The following SLC4A4 variants were observed in gnomAD, a reference collection of about 807,000 sequenced individuals.
SLC4A4 encodes the protein electrogenic sodium bicarbonate cotransporter 1.
SLC4A4 carries 27 observed loss-of-function variants against 111.5 expected under a neutral mutation model. The ratio of observed to expected loss-of-function variants is 0.24; its 90% CI spans 0.18 to 0.33. The LOEUF (loss-of-function observed/expected upper bound fraction) is 0.33. Among genes scored for constraint, SLC4A4 ranks in the 10% least tolerant of loss-of-function variants. The pLI is 1.00. For missense variants in SLC4A4, 909 were observed against 1,315.5 expected, an observed-to-expected ratio of 0.69 and a Z score of 4.78; for synonymous variants, 443 against 463.4, an observed-to-expected ratio of 0.96 and a Z score of 0.57.
intron 3 of SLC4A4, among the ~76,000 whole-genome samples, chr4:71,323,525 C>T (rs1727276277): frequency 6.6e-6 from 1 of 151,992 alleles, no homozygotes; most frequent in Non-Finnish European, 1.5e-5. Context: ...TATTTAGATA[C>T]TTAAGGCACT....
intron 7 of SLC4A4, among the ~76,000 whole-genome samples, chr4:71,408,598 AG>A (rs1721085414): frequency 6.6e-6 from 1 of 152,218 alleles, no homozygotes; most frequent in African/African-American, 2.4e-5. Context: ...CACACTGTAA[AG>A]AAATGTATGT....
intron 4 of SLC4A4, among the ~76,000 whole-genome samples, chr4:71,345,745 C>G (rs1030873927): frequency 6.6e-6 from 1 of 152,102 alleles, no homozygotes; most frequent in African/African-American, 2.4e-5. Flanking sequence ...CTTTTCTCTA[C>G]TGAATTACTT....
At chr4:71,206,170 G>T (rs1578593454) in intron 1 of SLC4A4, among the ~76,000 whole-genome samples, 1 of 152,052 alleles carries the variant, frequency 6.6e-6, no homozygotes, top group East Asian at 1.9e-4. Context: ...GTGAAATTTT[G>T]CAAATAAGAT....
intron 6 of SLC4A4, among the ~76,000 whole-genome samples, chr4:71,375,657 A>G (rs1732281917): frequency 6.6e-6 from 1 of 152,072 alleles, no homozygotes; most frequent in South Asian, 2.1e-4. Context: ...CTAGCTATCA[A>G]TTTCTTAAGG....
rs151001123 is a variant in SLC4A4, at chr4:71,238,935, C to A, written c.73+2286C>A. Among the ~76,000 whole-genome samples the A allele has an allele frequency of 1.2e-4, 18 of 152,118 alleles. No homozygotes were observed. The East Asian group carries it at 2.7e-3, about 23-fold the overall frequency. Reference sequence around the variant, plus strand: ...CAGTGATTGAGAATGAAGAAACAGACGGCCTATGTTAAGACCTCTAAGAAG... The same window carrying A: ...CAGTGATTGAGAATGAAGAAACAGAAGGCCTATGTTAAGACCTCTAAGAAG... On this transcript the variant is annotated intron_variant, in intron 2 of 25. Transcript: ENST00000264485.
At chr4:71,186,862 A>G (rs1745471347), upstream of SLC4A4, 1 of 152,148 alleles carries the variant, frequency 6.6e-6, no homozygotes. Context: ...AGTGTTAGTT[A>G]CTAGCAGGAA....
chr4:71,379,034 T>C (rs1425300219), intron 6 of SLC4A4, among the ~76,000 whole-genome samples: 1 of 152,148 alleles, frequency 6.6e-6, no homozygotes, highest in Non-Finnish European at 1.5e-5. Context: ...CTAATTCAGG[T>C]TTTTATCATC....
intron 2 of SLC4A4, among the ~76,000 whole-genome samples, chr4:71,150,851 T>C (rs969452750): frequency 2.0e-5 from 3 of 152,166 alleles, no homozygotes; most frequent in Non-Finnish European, 2.9e-5. Context: ...ATTTTACTTC[T>C]ATGCGCTCAA....
chr4:71,223,015 G>A (rs974448657), intron 1 of SLC4A4, among the ~76,000 whole-genome samples: 1 of 152,106 alleles, frequency 6.6e-6, no homozygotes. Flanking sequence ...TGTGAATTGG[G>A]GAATTTGCAA....
At chr4:71,169,925 T>C (rs1744888069) in intron 2 of SLC4A4, among the ~76,000 whole-genome samples, 1 of 152,192 alleles carries the variant, frequency 6.6e-6, no homozygotes, top group Non-Finnish European at 1.5e-5. Context: ...GTCTCTTGCC[T>C]CCTTCTCCAA....
chr4:71,430,030 G>A (rs1176179555), intron 7 of SLC4A4, among the ~76,000 whole-genome samples: 1 of 152,072 alleles, frequency 6.6e-6, no homozygotes, highest in African/African-American at 2.4e-5. Flanking sequence ...TTTATGAGAT[G>A]TTATTGTACT....
intron 3 of SLC4A4, among the ~76,000 whole-genome samples, chr4:71,295,346 C>G (rs1392960400): frequency 6.6e-6 from 1 of 152,128 alleles, no homozygotes; most frequent in African/African-American, 2.4e-5. Flanking sequence ...GCTGCAAACC[C>G]TAGGTGTATA....
chr4:71,389,795 C>T (rs1453057733), intron 6 of SLC4A4, among the ~76,000 whole-genome samples: 2 of 152,120 alleles, frequency 1.3e-5, no homozygotes, highest in East Asian at 3.8e-4. Flanking sequence ...GCCACTAATG[C>T]CAAGGTCTGA....
intron 16 of SLC4A4, among the ~76,000 whole-genome samples, chr4:71,500,060 T>A (rs4694095): frequency 6.6e-6 from 1 of 151,574 alleles, no homozygotes; most frequent in Non-Finnish European, 1.5e-5. Flanking sequence ...TGTACAAGGG[T>A]TACCTTTTCT....
At chr4:71,258,333 T>C (rs1164387510) in intron 3 of SLC4A4, among the ~76,000 whole-genome samples, 2 of 152,210 alleles carry the variant, frequency 1.3e-5, no homozygotes, top group Non-Finnish European at 2.9e-5. Flanking sequence ...TTTTACCTCT[T>C]CAGAGAGTCC....
chr4:71,240,810 T>G (rs1327107871), intron 2 of SLC4A4, among the ~76,000 whole-genome samples: 1 of 152,204 alleles, frequency 6.6e-6, no homozygotes, highest in African/African-American at 2.4e-5. Context: ...ATTTTTTAAA[T>G]TTTTTTGTTA....
chr4:71,294,067 C>T (rs1337520103), intron 3 of SLC4A4, among the ~76,000 whole-genome samples: 2 of 152,178 alleles, frequency 1.3e-5, no homozygotes, highest in Non-Finnish European at 1.5e-5. Context: ...CTGACAAAAA[C>T]GTCCAGGAAG....
chr4:71,524,508 C>T (rs1733244321), intron 16 of SLC4A4, among the ~76,000 whole-genome samples: 1 of 152,212 alleles, frequency 6.6e-6, no homozygotes, highest in South Asian at 2.1e-4. Context: ...CTTTGCTCCT[C>T]AAATCTCTTT....
At chr4:71,295,763 A>T (rs535050393) in intron 3 of SLC4A4, among the ~76,000 whole-genome samples, 4 of 151,428 alleles carry the variant, frequency 2.6e-5, no homozygotes, top group Non-Finnish European at 5.9e-5. Flanking sequence ...GGCTCAAGTG[A>T]TTCTCCTGCC....
Sources: allele counts gnomAD v4.1 joint callset (sites outside exome capture counted in the v4.1 genomes callset), GRCh38; gene constraint gnomAD v4.1.1; transcripts MANE v1.5; gene names NCBI Gene and HGNC (gene_info 2026-07-23, HGNC 2026-07-21).